The following RMND5A variants were observed in gnomAD, a reference collection of about 807,000 sequenced individuals.
RMND5A encodes E3 ubiquitin-protein transferase RMND5A.
In RMND5A, 17 loss-of-function variants were observed where a neutral mutation model predicts 49.7. The ratio of observed to expected loss-of-function variants is 0.34; its 90% confidence interval spans 0.23 to 0.51. RMND5A has a LOEUF of 0.51. RMND5A is among the 20% of genes least tolerant of loss of function. The pLI is 0.96. For synonymous variants in RMND5A, 156 were observed against 167.7 expected (o/e 0.93, Z 0.54); for missense variants, 255 against 471.3 (o/e 0.54, Z 4.25).
In RMND5A at chr2:86,749,859, A is replaced by G. The variant is rs191371837; in HGVS notation, c.286-2037A>G. ...GTTTTAGGCTACTGTTTTCACATCT[A>G]GAGATAGGGTAGATAGCTGTTTATA... On this transcript the variant is annotated intron_variant, in intron 2 of 8. Coordinates refer to ENST00000283632, the MANE Select transcript of RMND5A (RefSeq NM_022780.4). Among the ~76,000 whole-genome samples the G allele has an allele frequency of 2.6e-5, 4 of 152,286 alleles. No individual in the cohort carries two copies. In the East Asian group the frequency reaches 5.8e-4, roughly 22 times the overall value.
intron 2 of RMND5A, among the ~76,000 whole-genome samples, chr2:86,746,451 G>A (rs986847438): frequency 1.3e-5 from 2 of 152,142 alleles, no homozygotes; most frequent in Non-Finnish European, 2.9e-5. Flanking sequence ...TACTCATAGA[G>A]GTTTTCATGT....
Position 86,720,612 on chromosome 2 carries a change from G to T in RMND5A, c.-56G>T. 1 of 1,471,350 alleles carries T rather than the reference G, an allele frequency of 6.8e-7. No individual in the cohort carries two copies. The highest frequency in any genetic ancestry group is 1.5e-5 in the African/African-American group (1 of 66,522). The allele number at this position is 1,471,350 out of a possible 1,614,324, so 91.1% of individuals were successfully genotyped here. On this transcript the variant is annotated 5_prime_UTR_variant, in exon 1 of 9. Transcript: ENST00000283632. Reference sequence around the variant, plus strand: ...CAGGACGCGGCCTCGGTGGGGCCCGGGCCGAACGGCTGCGGACACCTGGGC... The same window carrying T: ...CAGGACGCGGCCTCGGTGGGGCCCGTGCCGAACGGCTGCGGACACCTGGGC...
At chr2:86,732,436 C>T (rs1218273299) in intron 1 of RMND5A, among the ~76,000 whole-genome samples, 1 of 147,046 alleles carries the variant, frequency 6.8e-6, no homozygotes, top group Non-Finnish European at 1.5e-5. Flanking sequence ...TAAGGTGAGC[C>T]AAAATAGTGG....
At position 86,762,691 on chromosome 2, in the gene RMND5A, C is replaced by CAT. The variant is rs1210117444; in HGVS notation, c.522-2329_522-2328dup. On this transcript the variant is annotated intron_variant, in intron 4 of 8. Transcript: ENST00000283632. ...ATATATATATATATCATATATATATCATATATATCATATATATCATATATA... is the reference window on the plus strand; with the variant it reads ...ATATATATATATATCATATATATATCATATATATATCATATATATCATATATA... Among the ~76,000 whole-genome samples, 38 of 11,782 alleles carry CAT rather than the reference C, an allele frequency of 3.2e-3. No individual in the cohort carries two copies. The South Asian group carries it at 0.17, about 53-fold the overall frequency. 7.7% of individuals were successfully genotyped at this position (11,782 alleles called of 152,430 possible).
intron 2 of RMND5A, among the ~76,000 whole-genome samples, chr2:86,743,881 G>A (rs1308846032): frequency 2.6e-5 from 4 of 151,578 alleles, no homozygotes; most frequent in African/African-American, 7.3e-5. Context: ...GGGAGGCTGA[G>A]GGAGGAGAAT....
In RMND5A at chr2:86,745,704, A is replaced by T. The variant is rs563548295; in HGVS notation, c.285+4635A>T. On this transcript the variant is annotated intron_variant, in intron 2 of 8. Transcript: ENST00000283632. ...TAGGTAGGAGGATAATAGCTATCACATATTGAGTGTTGACCATGTTCCAGA... is the reference window on the plus strand; with the variant it reads ...TAGGTAGGAGGATAATAGCTATCACTTATTGAGTGTTGACCATGTTCCAGA... 1.7e-4 allele frequency among the ~76,000 whole-genome samples: 26 copies of T among 152,336 alleles called. No individual in the cohort carries two copies. In the South Asian group the frequency reaches 5.4e-3, roughly 32 times the overall value.
intron 4 of RMND5A, among the ~76,000 whole-genome samples, chr2:86,754,934 A>G (rs1681704698): frequency 6.6e-6 from 1 of 152,118 alleles, no homozygotes; most frequent in South Asian, 2.1e-4. Context: ...TCCTGTATAA[A>G]TTTATATAAA....
chr2:86,721,082 G>C (rs997487458), intron 1 of RMND5A: 9 of 324,226 alleles, frequency 2.8e-5, no homozygotes, highest in Non-Finnish European at 4.5e-5. Context: ...ACGTGGGTGA[G>C]GGGGCCGCCC....
chr2:86,758,263 A>G (rs1681782090), intron 4 of RMND5A, among the ~76,000 whole-genome samples: 3 of 152,204 alleles, frequency 2.0e-5, no homozygotes. Flanking sequence ...TATTATGTAT[A>G]CGTACATTTT....
chr2:86,768,412 T>G (rs778431742), intron 6 of RMND5A, among the ~76,000 whole-genome samples: 8 of 152,104 alleles, frequency 5.3e-5, no homozygotes, highest in Non-Finnish European at 1.0e-4. Context: ...CAGATGCAAT[T>G]AGCTATAATG....
chr2:86,777,134 T>C lies in RMND5A; in HGVS notation c.*3723T>C, dbSNP rs941013408. On this transcript the variant is annotated 3_prime_UTR_variant, in exon 9 of 9. Transcript: ENST00000283632. The stretch of plus-strand genomic sequence containing the variant: ...AGACATAGCAAGAGAAACAAAATTT[T>C]GTTTTCAAGACATTTCCACTGCAGT... 1.3e-5 allele frequency: 2 copies of C among 152,240 alleles called. No individual in the cohort carries two copies. Among genetic ancestry groups the C allele is most frequent in the African/African-American group, 2.4e-5 (1 of 41,456 alleles). The allele number at this position is 152,240 out of a possible 1,614,324, so 9.4% of individuals were successfully genotyped here.
chr2:86,746,153 A>G (rs987106121), intron 2 of RMND5A, among the ~76,000 whole-genome samples: 2 of 152,214 alleles, frequency 1.3e-5, no homozygotes, highest in African/African-American at 4.8e-5. Flanking sequence ...GGTATGTGAT[A>G]AACAAGGTCT....
At chr2:86,760,965 AGTGTGTGTG>A (rs1672476916) in intron 4 of RMND5A, among the ~76,000 whole-genome samples, 1 of 145,330 alleles carries the variant, frequency 6.9e-6, no homozygotes, top group African/African-American at 2.6e-5. Flanking sequence ...GAGAGAGAGA[AGTGTGTGTG>A]TGTGTGTGTG....
chr2:86,770,041 G>A lies in RMND5A; in HGVS notation c.873G>A (p.Val291=). The change falls in exon 7 of 9, where the codon GTG becomes GTA. Residue 291 remains valine, a synonymous_variant. Coordinates refer to ENST00000283632, the MANE Select transcript of RMND5A (RefSeq NM_022780.4). ...PLSVSFSAGC[V]ALPALINIKA... ...CTCCCAGTTTCTCAGCAGGTTGTGT[G>A]GCGCTGCCAGCTTTAATTAACATCA... is the stretch of plus-strand genomic sequence containing the variant. 1 of 1,613,804 alleles carries A rather than the reference G, an allele frequency of 6.2e-7. No individual in the cohort carries two copies. Among genetic ancestry groups the A allele is most frequent in the Non-Finnish European group, 8.5e-7 (1 of 1,179,760 alleles).
intron 4 of RMND5A, among the ~76,000 whole-genome samples, chr2:86,761,588 GCTTGGAAGTCC>G (rs1473685261): frequency 5.9e-5 from 9 of 152,176 alleles, no homozygotes; most frequent in Middle Eastern, 3.2e-3. Context: ...GGAGGGAGAA[GCTTGGAAGTCC>G]CTTGCCTTGT....
chr2:86,767,810 C>T (rs1672626271), intron 6 of RMND5A, among the ~76,000 whole-genome samples: 1 of 152,118 alleles, frequency 6.6e-6, no homozygotes, highest in South Asian at 2.1e-4. Context: ...AGTCAGTTTT[C>T]GTGTGGTATT....
At position 86,777,013 on chromosome 2, in the gene RMND5A, T is replaced by G. The variant is rs978116046; in HGVS notation, c.*3602T>G. The G allele has an allele frequency of 6.6e-6, 1 of 152,258 alleles. No individual in the cohort carries two copies. Among genetic ancestry groups the G allele is most frequent in the Non-Finnish European group, 1.5e-5 (1 of 68,056 alleles). The allele number at this position is 152,258 out of a possible 1,614,324, so 9.4% of individuals were successfully genotyped here. Reference sequence around the variant, plus strand: ...GCTTCATGAACCGTTCTTAATGAACTATAATTGAATAGATACCAAAAATAG... The same window carrying G: ...GCTTCATGAACCGTTCTTAATGAACGATAATTGAATAGATACCAAAAATAG... On this transcript the variant is annotated 3_prime_UTR_variant, in exon 9 of 9. Transcript: ENST00000283632.
chr2:86,767,064 G>GT (rs1013847031), intron 6 of RMND5A, among the ~76,000 whole-genome samples: 2 of 151,882 alleles, frequency 1.3e-5, no homozygotes, highest in African/African-American at 4.8e-5. Flanking sequence ...TTTGTTACTT[G>GT]TTTTTTTCTT....
chr2:86,758,271 T>C (rs550661320), intron 4 of RMND5A, among the ~76,000 whole-genome samples: 13 of 152,242 alleles, frequency 8.5e-5, no homozygotes, highest in Non-Finnish European at 1.6e-4. Flanking sequence ...ATACGTACAT[T>C]TTTATGCACA....
Sources: allele counts gnomAD v4.1 joint callset (sites outside exome capture counted in the v4.1 genomes callset), GRCh38; gene constraint gnomAD v4.1.1; transcripts MANE v1.5; gene names NCBI Gene and HGNC (gene_info 2026-07-23, HGNC 2026-07-21).